SPTLC1: variants seen among roughly 807,000 people sequenced by gnomAD.
The protein encoded by SPTLC1 is serine palmitoyltransferase long chain base subunit 1, also known as serine palmitoyltransferase 1.
SPTLC1 carries 55 observed loss-of-function variants against 68.9 expected under a neutral mutation model. That is an observed-to-expected ratio of 0.80 (90% CI 0.64 to 1.00). The LOEUF (loss-of-function observed/expected upper bound fraction) is 1.00, where lower values mean the gene tolerates loss of function less well. Ranked by LOEUF, SPTLC1 falls within the 50% of genes least tolerant of loss-of-function variation. The probability of loss-of-function intolerance (pLI) is 0.00; values close to 1 mark genes in which losing one functional copy is unlikely to be tolerated. For missense variants in SPTLC1, 449 were observed against 573.1 expected (o/e 0.78, Z 2.21); for synonymous variants, 197 against 201.6 (o/e 0.98, Z 0.19).
intron 12 of SPTLC1, among the ~76,000 whole-genome samples, chr9:92,042,623 G>C (rs1833391154): frequency 6.6e-6 from 1 of 151,708 alleles, no homozygotes; most frequent in Admixed American, 6.6e-5. Context: ...TTTAAATAGA[G>C]AGCTCATGTT....
intron 7 of SPTLC1, 78 bp downstream of exon 7, chr9:92,059,101 C>A: frequency 6.5e-7 from 1 of 1,538,922 alleles, no homozygotes; most frequent in Admixed American, 1.8e-5. Context: ...GTTTTCATGA[C>A]AAATTACCAT....
At chr9:92,057,746 G>A (rs1217716985) in intron 7 of SPTLC1, among the ~76,000 whole-genome samples, 2 of 152,202 alleles carry the variant, frequency 1.3e-5, no homozygotes, top group Non-Finnish European at 2.9e-5. Context: ...GATTATTTAT[G>A]TGAAAATGAA....
At chr9:92,065,360 C>T (rs1834243590) in intron 6 of SPTLC1, among the ~76,000 whole-genome samples, 1 of 152,180 alleles carries the variant, frequency 6.6e-6, no homozygotes, top group Admixed American at 6.5e-5. Flanking sequence ...ATTTACCAAA[C>T]ACCATGTTTA....
chr9:92,109,493 CACT>C (rs1836143407), intron 2 of SPTLC1: 2 of 152,796 alleles, frequency 1.3e-5, no homozygotes, highest in Non-Finnish European at 2.9e-5. Flanking sequence ...ACAATTCAAG[CACT>C]ACTTACCACA....
chr9:92,047,773 C>G, intron 9 of SPTLC1, 65 bp from the exon 10 acceptor site: 1 of 1,093,772 alleles, frequency 9.1e-7, no homozygotes, highest in Non-Finnish European at 1.4e-6. Context: ...AACTTCAAGC[C>G]TAGAGACAAA....
intron 2 of SPTLC1, chr9:92,111,497 G>A (rs766027277): frequency 6.6e-6 from 1 of 152,092 alleles, no homozygotes; most frequent in Non-Finnish European, 1.5e-5. Flanking sequence ...CTTCACCTAT[G>A]ACTCCCTAAA....
intron 3 of SPTLC1, 43 bp downstream of exon 3, chr9:92,108,697 A>C: frequency 6.3e-7 from 1 of 1,583,622 alleles, no homozygotes; most frequent in South Asian, 1.1e-5. Flanking sequence ...AGGTTACTAC[A>C]AGAAGCCAAA....
Position 92,108,936 on chromosome 9 carries a change from A to G in SPTLC1, c.166-102T>C, listed in dbSNP as rs1476117445. Reference sequence around the variant, plus strand: ...TCTTATTATTCTAATTCTACTAACTATTCTCAAGTTCGCTGTCACTCTTAT... The same window carrying G: ...TCTTATTATTCTAATTCTACTAACTGTTCTCAAGTTCGCTGTCACTCTTAT... On this transcript the variant is annotated intron_variant, in intron 2 of 14. Coordinates refer to ENST00000262554, the MANE Select transcript of SPTLC1 (RefSeq NM_006415.4). 6 of 1,549,522 alleles carry G rather than the reference A, an allele frequency of 3.9e-6. No individual in the cohort carries two copies. The African/African-American group carries it at 4.1e-5, about 11-fold the overall frequency.
At chr9:92,041,180 T>C (rs1189419088) in intron 12 of SPTLC1, among the ~76,000 whole-genome samples, 1 of 152,214 alleles carries the variant, frequency 6.6e-6, no homozygotes, top group Non-Finnish European at 1.5e-5. Flanking sequence ...CAGCATAGGA[T>C]GTTGACTTCC....
intron 4 of SPTLC1, among the ~76,000 whole-genome samples, chr9:92,080,433 T>C (rs16908135): frequency 0.078 from 11,843 of 152,304 alleles, 826 homozygotes; most frequent in East Asian, 0.27. Flanking sequence ...TGCCTAACAC[T>C]GAGCCACATA....
In SPTLC1 at chr9:92,080,690, C is replaced by A. The variant is rs542602316; in HGVS notation, c.354+180G>T. 2.6e-5 allele frequency among the ~76,000 whole-genome samples: 4 copies of A among 152,346 alleles called. No individual in the cohort carries two copies. The South Asian group carries it at 8.3e-4, about 32-fold the overall frequency. ...AGTAGCTGGGACTACAGGCATGTGCCACCATGCCCTGCTAATTTTTGTATT... is the reference window on the plus strand; with the variant it reads ...AGTAGCTGGGACTACAGGCATGTGCAACCATGCCCTGCTAATTTTTGTATT... On this transcript the variant is annotated intron_variant, in intron 4 of 14. Transcript: ENST00000262554.
intron 10 of SPTLC1, 104 bp from the exon 11 acceptor site, chr9:92,047,372 G>A (rs1450505748): frequency 1.1e-6 from 1 of 950,442 alleles, no homozygotes; most frequent in Non-Finnish European, 1.7e-6. Flanking sequence ...GTGTGTACAT[G>A]TGGTGAGGGG....
chr9:92,107,486 C>T (rs1422668182), intron 3 of SPTLC1, among the ~76,000 whole-genome samples: 1 of 152,248 alleles, frequency 6.6e-6, no homozygotes, highest in Non-Finnish European at 1.5e-5. Context: ...GGTGCGGCGG[C>T]TCACGCCTGT....
intron 9 of SPTLC1, 85 bp from the exon 10 acceptor site, chr9:92,047,793 C>G: frequency 1.2e-6 from 1 of 832,964 alleles, no homozygotes. Context: ...AATTTAACAG[C>G]ATTAAACTGT....
intron 6 of SPTLC1, among the ~76,000 whole-genome samples, chr9:92,060,522 C>T (rs752895402): frequency 2.6e-5 from 4 of 152,044 alleles, no homozygotes; most frequent in Non-Finnish European, 4.4e-5. Context: ...AACTGAAAAA[C>T]TAAATTACTA....
At chr9:92,068,457 T>C (rs191966602) in intron 5 of SPTLC1, among the ~76,000 whole-genome samples, 1 of 152,336 alleles carries the variant, frequency 6.6e-6, no homozygotes, top group East Asian at 1.9e-4. Context: ...ATGTTTGATG[T>C]TAACTTATTA....
rs936361762 is a variant in SPTLC1, at chr9:92,033,164, C to T, written c.1329-606G>A. Among the ~76,000 whole-genome samples the T allele has an allele frequency of 2.0e-5, 3 of 152,198 alleles. No homozygotes were observed. The South Asian group carries it at 6.2e-4, about 31-fold the overall frequency. ...TGCACACCCAGTCAGAGTGAGTTTCCGTGGGCTCTGCCTCAGAAGCTGGGA... is the reference window on the plus strand; with the variant it reads ...TGCACACCCAGTCAGAGTGAGTTTCTGTGGGCTCTGCCTCAGAAGCTGGGA... On this transcript the variant is annotated intron_variant, in intron 14 of 14. Coordinates refer to ENST00000262554, the MANE Select transcript of SPTLC1 (RefSeq NM_006415.4).
chr9:92,097,331 A>T (rs185828783), intron 3 of SPTLC1, among the ~76,000 whole-genome samples: 1 of 152,374 alleles, frequency 6.6e-6, no homozygotes, highest in African/African-American at 2.4e-5. Flanking sequence ...TCCAAGAAAA[A>T]TTAAAACATT....
At chr9:92,075,224 T>C (rs1477288800) in intron 5 of SPTLC1, among the ~76,000 whole-genome samples, 1 of 152,072 alleles carries the variant, frequency 6.6e-6, no homozygotes, top group Non-Finnish European at 1.5e-5. Flanking sequence ...CCAACATAGG[T>C]GTGCACTTCC....
Sources: gnomAD v4.1 joint callset for allele counts (sites outside exome capture counted in the v4.1 genomes callset) on GRCh38, gnomAD v4.1.1 for gene constraint, MANE v1.5 for transcripts, NCBI Gene and HGNC (gene_info 2026-07-23, HGNC 2026-07-21) for gene names.